TRPC4: variants seen among roughly 807,000 people sequenced by gnomAD.
TRPC4 encodes short transient receptor potential channel 4.
In TRPC4, 49 loss-of-function variants were observed where a neutral mutation model predicts 99.4. That is an observed-to-expected ratio of 0.49 (90% CI 0.39 to 0.63). The LOEUF (loss-of-function observed/expected upper bound fraction) is 0.63. TRPC4 is among the 20% of genes least tolerant of loss of function. The pLI is 0.00. For missense variants in TRPC4, 898 were observed against 1,152.9 expected (o/e 0.78, Z 3.20); for synonymous variants, 454 against 425.9 (o/e 1.07, Z -0.81).
intron 7 of TRPC4, 93 bp downstream of exon 7, chr13:37,654,995 A>G: frequency 1.9e-6 from 2 of 1,033,456 alleles, no homozygotes; most frequent in Non-Finnish European, 2.6e-6. Context: ...AGCTAATTAT[A>G]GATTTTATTT....
intron 1 of TRPC4, among the ~76,000 whole-genome samples, chr13:37,837,133 G>A (rs983854564): frequency 6.6e-6 from 1 of 152,246 alleles, no homozygotes; most frequent in Admixed American, 6.5e-5. Flanking sequence ...GATTTCAGAA[G>A]ATGTATAGAA....
In TRPC4 at chr13:37,639,025, G is replaced by A. The variant is rs1951625575; in HGVS notation, c.2211+15C>T. 1 of 1,612,560 alleles carries A rather than the reference G, an allele frequency of 6.2e-7. No homozygotes were observed. The highest frequency in any genetic ancestry group is 8.5e-7 in the Non-Finnish European group (1 of 1,178,728). On this transcript the variant is annotated intron_variant, in intron 10 of 10. Coordinates refer to ENST00000379705, the MANE Select transcript of TRPC4 (RefSeq NM_016179.4). The stretch of plus-strand genomic sequence containing the variant: ...TGCACAATCTGCCTCTTGTGATGAA[G>A]ATGAAAATGGTTACCTTAAAGTTCT...
At position 37,634,181 on chromosome 13, in the gene TRPC4, G is replaced by C. The variant is rs552816155; in HGVS notation, c.*2722C>G. 3.9e-5 allele frequency among the ~76,000 whole-genome samples: 6 copies of C among 152,046 alleles called. 1 individual carries two copies. In the South Asian group the frequency reaches 1.2e-3, roughly 32 times the overall value. On this transcript the variant is annotated 3_prime_UTR_variant, in exon 11 of 11. Transcript: ENST00000379705. The stretch of plus-strand genomic sequence containing the variant: ...TCTGTAGCATTTAGAAATTTCTGTG[G>C]ATAGAAATATGAATAGAAACGAACA...
intron 3 of TRPC4, among the ~76,000 whole-genome samples, chr13:37,716,948 T>C (rs1298608678): frequency 6.7e-6 from 1 of 149,558 alleles, no homozygotes; most frequent in East Asian, 1.9e-4. Context: ...GGGACGGTGG[T>C]AAAATATCAT....
intron 2 of TRPC4, among the ~76,000 whole-genome samples, chr13:37,761,465 T>A (rs2139241145): frequency 6.6e-6 from 1 of 151,982 alleles, no homozygotes; most frequent in East Asian, 1.9e-4. Context: ...AAAATGTCCG[T>A]TAAATCCTGC....
At position 37,838,916 on chromosome 13, in the gene TRPC4, A is replaced by G. The variant is rs376245415; in HGVS notation, c.-28+30679T>C. On this transcript the variant is annotated intron_variant, in intron 1 of 10. Transcript: ENST00000379705. ...AAAAGTTCCCCATTTACAGAAGAAG[A>G]AAAGAGTCCTCAAGGAGTTACATAA... is the stretch of plus-strand genomic sequence containing the variant. Among the ~76,000 whole-genome samples, 39 of 152,304 alleles carry G rather than the reference A, an allele frequency of 2.6e-4. 1 individual carries two copies. In the South Asian group the frequency reaches 7.7e-3, roughly 30 times the overall value.
intron 1 of TRPC4, among the ~76,000 whole-genome samples, chr13:37,841,884 C>T (rs1958738481): frequency 6.6e-6 from 1 of 152,124 alleles, no homozygotes; most frequent in African/African-American, 2.4e-5. Flanking sequence ...AAATTATACT[C>T]TGGACAGGTA....
rs573464137 is a variant in TRPC4, at chr13:37,762,634, G to A, written c.379-16179C>T. On this transcript the variant is annotated intron_variant, in intron 2 of 10. Transcript: ENST00000379705. ...TAGCAAGAACAAAAAACCAAACACC[G>A]CATATTCTCACTCACATGTGGGAAT... Among the ~76,000 whole-genome samples the A allele has an allele frequency of 5.2e-4, 75 of 145,414 alleles. 1 individual carries two copies. Among genetic ancestry groups the A allele is most frequent in the Admixed American group, 4.4e-3 (62 of 13,960 alleles).
rs551982838 is a variant in TRPC4 at position 37,775,349 on chromosome 13, C to T, written c.378+7607G>A. On this transcript the variant is annotated intron_variant, in intron 2 of 10. Coordinates refer to ENST00000379705, the MANE Select transcript of TRPC4 (RefSeq NM_016179.4). ...GGCATAGAACCTGGTGACTGGCAGC[C>T]GTAATCCCCTTCTTTTTCTTTTGTT... Among the ~76,000 whole-genome samples, 26 of 151,490 alleles carry T rather than the reference C, an allele frequency of 1.7e-4. No homozygotes were observed. The East Asian group carries it at 4.3e-3, about 25-fold the overall frequency.
At position 37,632,564 on chromosome 13, in the gene TRPC4, C is replaced by T. The variant is rs1325512433; in HGVS notation, c.*4339G>A. On this transcript the variant is annotated 3_prime_UTR_variant, in exon 11 of 11. Coordinates refer to ENST00000379705, the MANE Select transcript of TRPC4 (RefSeq NM_016179.4). ...TTTTGCTACTGGTGAATTTGACTTGCAGAGACGTCTTCACTGTCAGCCTAG... is the reference window on the plus strand; with the variant it reads ...TTTTGCTACTGGTGAATTTGACTTGTAGAGACGTCTTCACTGTCAGCCTAG... Among the ~76,000 whole-genome samples, 1 of 152,178 alleles carries T rather than the reference C, an allele frequency of 6.6e-6. No homozygotes were observed. The highest frequency in any genetic ancestry group is 6.5e-5 in the Admixed American group (1 of 15,268).
chr13:37,680,242 A>C (rs147639282), intron 4 of TRPC4, among the ~76,000 whole-genome samples: 5 of 152,286 alleles, frequency 3.3e-5, no homozygotes, highest in African/African-American at 1.2e-4. Flanking sequence ...CTTGCTTGAC[A>C]CTGCCAATTC....
At chr13:37,745,191 A>G (rs574992176) in intron 3 of TRPC4, among the ~76,000 whole-genome samples, 11 of 151,798 alleles carry the variant, frequency 7.2e-5, no homozygotes, top group East Asian at 5.8e-4. Context: ...TGTTGTCTAT[A>G]TATACAGTTG....
intron 7 of TRPC4, among the ~76,000 whole-genome samples, chr13:37,654,566 AC>A (rs999170765): frequency 1.3e-5 from 2 of 152,170 alleles, no homozygotes; most frequent in African/African-American, 4.8e-5. Context: ...TTTCAAAAAA[AC>A]ATGTATTGTA....
intron 2 of TRPC4, among the ~76,000 whole-genome samples, chr13:37,747,324 G>T (rs1955816132): frequency 1.3e-5 from 2 of 152,236 alleles, no homozygotes; most frequent in African/African-American, 4.8e-5. Flanking sequence ...AATCTGATCT[G>T]CAATTTCCAC....
chr13:37,781,565 T>G (rs544722887), intron 2 of TRPC4, among the ~76,000 whole-genome samples: 1 of 152,116 alleles, frequency 6.6e-6, no homozygotes, highest in Non-Finnish European at 1.5e-5. Flanking sequence ...TACTATTAGT[T>G]GTCTACCCCA....
chr13:37,740,538 T>A (rs1955550987), intron 3 of TRPC4, among the ~76,000 whole-genome samples: 1 of 152,154 alleles, frequency 6.6e-6, no homozygotes, highest in South Asian at 2.1e-4. Flanking sequence ...CAATCCACAG[T>A]GTCTGCTCTA....
intron 3 of TRPC4, among the ~76,000 whole-genome samples, chr13:37,705,040 T>C (rs1322274558): frequency 6.6e-6 from 1 of 152,076 alleles, no homozygotes; most frequent in Non-Finnish European, 1.5e-5. Context: ...AGATATGGAA[T>C]CAACCTAACT....
At chr13:37,685,238 G>A (rs948515275) in intron 4 of TRPC4, among the ~76,000 whole-genome samples, 7 of 152,130 alleles carry the variant, frequency 4.6e-5, no homozygotes, top group Admixed American at 2.6e-4. Flanking sequence ...ACGGACACAC[G>A]TTCTGAGCTG....
chr13:37,698,137 C>T (rs1295293935), intron 3 of TRPC4, among the ~76,000 whole-genome samples: 1 of 126,592 alleles, frequency 7.9e-6, no homozygotes, highest in Non-Finnish European at 1.6e-5. Context: ...GCATTTTTGC[C>T]CAGTTCTCAA....
Sources: gnomAD v4.1 joint callset for allele counts (sites outside exome capture counted in the v4.1 genomes callset) on GRCh38, gnomAD v4.1.1 for gene constraint, MANE v1.5 for transcripts, NCBI Gene and HGNC (gene_info 2026-07-23, HGNC 2026-07-21) for gene names.